The following LRRC4C variants were observed in gnomAD, a reference collection of about 807,000 sequenced individuals.
LRRC4C encodes leucine rich repeat containing 4C, also known as leucine-rich repeat-containing protein 4C.
A neutral mutation model predicts 33.6 loss-of-function variants in LRRC4C; 5 were observed. The ratio of observed to expected loss-of-function variants is 0.15; its 90% CI spans 0.08 to 0.31. The LOEUF (loss-of-function observed/expected upper bound fraction) is 0.31, where lower values mean the gene tolerates loss of function less well. Ranked by LOEUF, LRRC4C falls within the 10% of genes least tolerant of loss-of-function variation. LRRC4C has a pLI of 1.00. For synonymous variants in LRRC4C, 329 were observed against 302.0 expected (o/e 1.09, Z -0.93); for missense variants, 560 against 796.7 (o/e 0.70, Z 3.58).
intron 4 of LRRC4C, among the ~76,000 whole-genome samples, chr11:40,274,915 T>A (rs981597620): frequency 1.3e-5 from 2 of 152,168 alleles, no homozygotes; most frequent in Non-Finnish European, 2.9e-5. Context: ...ATTTTCTATT[T>A]CACTTGCAAC....
At chr11:41,154,901 G>A (rs1256716967) in intron 1 of LRRC4C, among the ~76,000 whole-genome samples, 1 of 152,114 alleles carries the variant, frequency 6.6e-6, no homozygotes, top group African/African-American at 2.4e-5. Context: ...AGAGTGGTAC[G>A]ATTATTTTGT....
intron 3 of LRRC4C, among the ~76,000 whole-genome samples, chr11:40,368,128 A>G (rs1370094552): frequency 6.6e-6 from 1 of 152,190 alleles, no homozygotes; most frequent in Non-Finnish European, 1.5e-5. Context: ...AAAGTGGGAT[A>G]AATATATATA....
chr11:40,168,398 G>T (rs745885971), intron 5 of LRRC4C, among the ~76,000 whole-genome samples: 55 of 152,188 alleles, frequency 3.6e-4, no homozygotes, highest in Non-Finnish European at 1.6e-4. Context: ...GTAAAGAAGG[G>T]TTCGTTCAGA....
chr11:40,227,168 G>A (rs1864861353), intron 5 of LRRC4C, among the ~76,000 whole-genome samples: 1 of 152,204 alleles, frequency 6.6e-6, no homozygotes, highest in East Asian at 1.9e-4. Flanking sequence ...GGGGAAACTA[G>A]AATGGAGAGG....
At chr11:40,306,859 T>A (rs191172395) in intron 4 of LRRC4C, among the ~76,000 whole-genome samples, 1 of 152,172 alleles carries the variant, frequency 6.6e-6, no homozygotes, top group African/African-American at 2.4e-5. Context: ...TTGGGTAAGA[T>A]GTGCTATGTA....
rs185296289 is a variant in LRRC4C, at chr11:41,311,037, C to T, written c.-496+148394G>A. ...TCGCTTAGTGCCTAGGCATTTGATT[C>T]GCATCTATTCTTAGTAAACAAGCAA... On this transcript the variant is annotated intron_variant, in intron 1 of 6. Transcript: ENST00000528697. Among the ~76,000 whole-genome samples the T allele has an allele frequency of 3.3e-5, 5 of 152,234 alleles. No homozygotes were observed. The East Asian group carries it at 5.8e-4, about 18-fold the overall frequency.
Position 40,115,843 on chromosome 11 carries a change from C to T in LRRC4C, c.450G>A (p.Leu150=). The T allele has an allele frequency of 6.2e-7, 1 of 1,614,134 alleles. No homozygotes were observed. The highest frequency in any genetic ancestry group is 8.5e-7 in the Non-Finnish European group (1 of 1,180,018). ...PNGAFVYLSK[L]KELWLRNNPI... ...GGTTGTTTCGCAACCAGAGCTCCTT[C>T]AGTTTAGACAAGTATACAAAAGCTC... The change falls in exon 7 of 7, where the codon CTG becomes CTA. Residue 150 remains leucine, a synonymous_variant. Coordinates refer to ENST00000528697, the MANE Select transcript of LRRC4C (RefSeq NM_001258419.2). The surrounding 1 kb of genome is among the most constrained non-coding windows in gnomAD (Gnocchi z 6.7).
intron 1 of LRRC4C, among the ~76,000 whole-genome samples, chr11:41,452,707 A>G (rs1385489767): frequency 2.0e-5 from 3 of 151,878 alleles, no homozygotes; most frequent in Non-Finnish European, 4.4e-5. Context: ...TTTTTCCATC[A>G]TGTCCCCCAC....
At position 41,091,324 on chromosome 11, in the gene LRRC4C, C is replaced by A. The variant is rs550483260; in HGVS notation, c.-495-157601G>T. On this transcript the variant is annotated intron_variant, in intron 1 of 6. Coordinates refer to ENST00000528697, the MANE Select transcript of LRRC4C (RefSeq NM_001258419.2). ...GAAGACGCTTTCTCTGGAGAATGAC[C>A]ATATGCCATTAAAAATAAGAAGAAT... Among the ~76,000 whole-genome samples the A allele has an allele frequency of 2.6e-4, 40 of 151,976 alleles. 1 individual carries two copies. The South Asian group carries it at 7.1e-3, about 27-fold the overall frequency.
chr11:40,156,153 G>A (rs1858674761), intron 5 of LRRC4C, among the ~76,000 whole-genome samples: 1 of 151,984 alleles, frequency 6.6e-6, no homozygotes, highest in South Asian at 2.1e-4. Context: ...ATCTAGCATT[G>A]CTCTATGATT....
intron 1 of LRRC4C, among the ~76,000 whole-genome samples, chr11:41,457,563 C>T (rs1956209560): frequency 6.6e-6 from 1 of 151,868 alleles, no homozygotes; most frequent in African/African-American, 2.4e-5. Flanking sequence ...TTGTTTTTTC[C>T]ATAAAGAAAA....
chr11:40,706,127 A>T (rs1946159112), intron 2 of LRRC4C, among the ~76,000 whole-genome samples: 1 of 152,122 alleles, frequency 6.6e-6, no homozygotes, highest in South Asian at 2.1e-4. Flanking sequence ...TCAGATGGGT[A>T]GATTGCAAAA....
chr11:41,087,139 C>G (rs774147410), intron 1 of LRRC4C, among the ~76,000 whole-genome samples: 1 of 152,086 alleles, frequency 6.6e-6, no homozygotes, highest in Non-Finnish European at 1.5e-5. Context: ...CAGATTCCCT[C>G]TTCTCATTTT....
At chr11:41,014,294 T>C (rs1855422412) in intron 1 of LRRC4C, among the ~76,000 whole-genome samples, 2 of 152,054 alleles carry the variant, frequency 1.3e-5, no homozygotes, top group Non-Finnish European at 2.9e-5. Context: ...TTATATAAGG[T>C]ATAAGTAAAT....
chr11:41,111,777 A>T (rs1941844594), intron 1 of LRRC4C, among the ~76,000 whole-genome samples: 1 of 151,996 alleles, frequency 6.6e-6, no homozygotes, highest in Admixed American at 6.6e-5. Context: ...CCCTGTCTAG[A>T]TTTTACATAT....
intron 2 of LRRC4C, among the ~76,000 whole-genome samples, chr11:40,896,051 C>T (rs965282341): frequency 6.6e-6 from 1 of 152,178 alleles, no homozygotes; most frequent in African/African-American, 2.4e-5. Flanking sequence ...GGCTTATATA[C>T]ACAGTTCATC....
chr11:40,922,163 C>T (rs1017211527), intron 2 of LRRC4C, among the ~76,000 whole-genome samples: 110 of 152,206 alleles, frequency 7.2e-4, no homozygotes, highest in African/African-American at 2.5e-3. Flanking sequence ...ATTTCTCTCT[C>T]CCTTCTTTTT....
chr11:40,415,366 T>C, intron 3 of LRRC4C, among the ~76,000 whole-genome samples: 1 of 152,158 alleles, frequency 6.6e-6, no homozygotes, highest in East Asian at 1.9e-4. Context: ...GTTTTGTAAG[T>C]GACATGCGGT....
intron 1 of LRRC4C, among the ~76,000 whole-genome samples, chr11:41,230,298 A>G (rs1345400010): frequency 6.6e-6 from 1 of 152,018 alleles, no homozygotes; most frequent in East Asian, 1.9e-4. Flanking sequence ...AGAACTCATG[A>G]TTTTTCCAAA....
Sources: allele counts gnomAD v4.1 joint callset (sites outside exome capture counted in the v4.1 genomes callset), GRCh38; gene constraint gnomAD v4.1.1; non-coding constraint Gnocchi (gnomAD v3.1); transcripts MANE v1.5; gene names NCBI Gene and HGNC (gene_info 2026-07-23, HGNC 2026-07-21).